SMARCA2: variants seen among roughly 807,000 people sequenced by gnomAD.
SMARCA2 encodes SWI/SNF related BAF chromatin remodeling complex subunit ATPase 2.
A neutral mutation model predicts 199.8 loss-of-function variants in SMARCA2; 61 were observed. The observed-to-expected ratio is 0.31, with a 90% CI of 0.25 to 0.38. The LOEUF is 0.38. Ranked by LOEUF, SMARCA2 falls within the 10% of genes least tolerant of loss-of-function variation. The pLI is 1.00. For synonymous variants in SMARCA2, 935 were observed against 732.0 expected, an observed-to-expected ratio of 1.28 and a Z score of -4.48; for missense variants, 1,344 against 2,012.2, an observed-to-expected ratio of 0.67 and a Z score of 6.35.
chr9:2,129,541 C>T (rs990809987), intron 27 of SMARCA2, among the ~76,000 whole-genome samples: 2 of 152,208 alleles, frequency 1.3e-5, no homozygotes, highest in African/African-American at 2.4e-5. Context: ...AGTGTGTTCA[C>T]TAACCAGGGA....
intron 25 of SMARCA2, among the ~76,000 whole-genome samples, chr9:2,118,110 A>C (rs1002044752): frequency 1.3e-5 from 2 of 152,184 alleles, no homozygotes; most frequent in Non-Finnish European, 1.5e-5. Flanking sequence ...CTCATGGTCC[A>C]GGTGATGAGA....
intron 2 of SMARCA2, among the ~76,000 whole-genome samples, chr9:2,032,367 C>G (rs1819107900): frequency 6.6e-6 from 1 of 152,198 alleles, no homozygotes; most frequent in Non-Finnish European, 1.5e-5. Context: ...TGCCTTTAAC[C>G]TTTTCCGTTC....
rs530732971 is a variant in SMARCA2 at position 2,170,284 on chromosome 9, C to T, written c.4200-135C>T. 15 of 1,042,384 alleles carry T rather than the reference C, an allele frequency of 1.4e-5. No homozygotes were observed. Among genetic ancestry groups the T allele is most frequent in the Middle Eastern group, 2.9e-4 (1 of 3,424 alleles). The allele number at this position is 1,042,384 out of a possible 1,614,324, so 64.6% of individuals were successfully genotyped here. A position where few individuals can be genotyped will look rare whatever the true frequency, so the allele number is the denominator to read the frequency against. On this transcript the variant is annotated intron_variant, in intron 28 of 33. Transcript: ENST00000349721. The surrounding 1 kb of genome is among the most constrained non-coding windows in gnomAD (Gnocchi z 4.7). ...CCGAATGAGGTTCCAAACATAACCCCGTGTAATCTTCCTAACAAGGCAGGT... is the reference window on the plus strand; with the variant it reads ...CCGAATGAGGTTCCAAACATAACCCTGTGTAATCTTCCTAACAAGGCAGGT...
At chr9:2,127,160 A>G (rs749632783) in intron 27 of SMARCA2, among the ~76,000 whole-genome samples, 11 of 150,996 alleles carry the variant, frequency 7.3e-5, no homozygotes, top group African/African-American at 1.2e-4. Flanking sequence ...TGTCCTCTTA[A>G]CATTTCTTTG....
In SMARCA2 at chr9:2,121,648, CTTA is replaced by C. The variant is rs1320069895; in HGVS notation, c.3763-2065_3763-2063del. On this transcript the variant is annotated intron_variant, in intron 26 of 33. Transcript: ENST00000349721. Reference sequence around the variant, plus strand: ...GAGTTCTCTATAAAATTAATGCAAACTTATTATTTGATTTTGTATCATAGACAC... The same window carrying C: ...GAGTTCTCTATAAAATTAATGCAAACTTATTTGATTTTGTATCATAGACAC... Among the ~76,000 whole-genome samples the C allele has an allele frequency of 6.6e-5, 10 of 152,214 alleles. No homozygotes were observed. The South Asian group carries it at 1.7e-3, about 25-fold the overall frequency.
At position 2,182,370 on chromosome 9, in the gene SMARCA2, A is replaced by C. The variant is rs540609444; in HGVS notation, c.4461+128A>C. 6.7e-6 allele frequency: 4 copies of C among 598,982 alleles called. No homozygotes were observed. The East Asian group carries it at 8.9e-5, about 13-fold the overall frequency. The allele number at this position is 598,982 out of a possible 1,614,324, so 37.1% of individuals were successfully genotyped here. On this transcript the variant is annotated intron_variant, in intron 31 of 33. Transcript: ENST00000349721. Reference sequence around the variant, plus strand: ...GCAGAAGAAAAATAACTAAAAGCCTATGTTCCTTGCTACCTGTGTAAGAAA... The same window carrying C: ...GCAGAAGAAAAATAACTAAAAGCCTCTGTTCCTTGCTACCTGTGTAAGAAA...
rs76885443 is a variant in SMARCA2 at position 2,130,480 on chromosome 9, T to A, written c.3981+6543T>A. ...TCAAAGATGTTGTCATTTTTGTCTC[T>A]GCATACCAACTTTATCCTAATTCTG... On this transcript the variant is annotated intron_variant, in intron 27 of 33. Transcript: ENST00000349721. Among the ~76,000 whole-genome samples, 537 of 152,348 alleles carry A rather than the reference T, an allele frequency of 3.5e-3. 3 individuals carry two copies. The highest frequency in any genetic ancestry group is 5.0e-3 in the Non-Finnish European group (339 of 68,024).
chr9:2,155,930 T>C (rs1469497547), intron 27 of SMARCA2, among the ~76,000 whole-genome samples: 3 of 151,898 alleles, frequency 2.0e-5, no homozygotes, highest in African/African-American at 7.3e-5. Context: ...ACGAATGAAA[T>C]ACGAAACAGA....
chr9:2,049,556 A>G (rs1820027655), intron 5 of SMARCA2, among the ~76,000 whole-genome samples: 2 of 152,196 alleles, frequency 1.3e-5, no homozygotes, highest in Non-Finnish European at 2.9e-5. Flanking sequence ...TTTTGAAACG[A>G]CTGATCTGGA....
In SMARCA2 at chr9:2,039,715, T is replaced by C; in HGVS notation, c.605T>C (p.Leu202Pro). Residue 202 changes from leucine to proline, a missense_variant, in exon 4 of 34, where the codon CTG (leucine) becomes CCG (proline). Physicochemically the swap from Leu to Pro is moderately conservative, Grantham distance 98. Around this residue, in one of 18 missense-constraint regions of SMARCA2, gnomAD observed 24 missense variants for 53.7 expected, o/e 0.45. Coordinates refer to ENST00000349721, the MANE Select transcript of SMARCA2 (RefSeq NM_003070.5). This position sits in a 1 kb window ranked among gnomAD's most constrained non-coding sequence, Gnocchi z 4.8. Reference protein sequence around the residue: ...LARGQPLPETLQLAVQGKRTL... With the variant: ...LARGQPLPETPQLAVQGKRTL... ...CGAGGCCAGCCCCTCCCCGAAACGC[T>C]GCAGCTTGCAGTCCAGGGGAAAAGG... 1 of 1,613,968 alleles carries C rather than the reference T, an allele frequency of 6.2e-7. No homozygotes were observed.
intron 21 of SMARCA2, 37 bp from the exon 22 acceptor site, chr9:2,101,533 T>A (rs778434407): frequency 1.7e-6 from 2 of 1,170,960 alleles, no homozygotes; most frequent in Non-Finnish European, 2.5e-6. Context: ...ATAATTACAT[T>A]TTTTAAAATC....
At chr9:2,072,735 A>G (rs4741642) in intron 10 of SMARCA2, among the ~76,000 whole-genome samples, 16,121 of 152,288 alleles carry the variant, frequency 0.11, 960 homozygotes, top group East Asian at 0.29. Flanking sequence ...TTGATAGGAT[A>G]CTGGGCAACT....
At chr9:2,072,270 C>T (rs12339769) in intron 10 of SMARCA2, among the ~76,000 whole-genome samples, 7,160 of 152,222 alleles carry the variant, frequency 0.047, 572 homozygotes, top group African/African-American at 0.16. Flanking sequence ...CACTCACAGA[C>T]CAAGCATTTC....
chr9:2,069,338 C>T (rs1330559717), intron 9 of SMARCA2, among the ~76,000 whole-genome samples: 14 of 151,430 alleles, frequency 9.2e-5, no homozygotes, highest in East Asian at 2.0e-4. Flanking sequence ...AGGCGGATCA[C>T]GAGGTCAGGA....
chr9:2,042,395 C>T (rs1365520648), intron 4 of SMARCA2: 1 of 152,164 alleles, frequency 6.6e-6, no homozygotes, highest in Non-Finnish European at 1.5e-5. Context: ...TTGTCACAGA[C>T]ATCACCAAGC....
chr9:2,175,325 A>T (rs1826507577), intron 29 of SMARCA2, among the ~76,000 whole-genome samples: 1 of 137,266 alleles, frequency 7.3e-6, no homozygotes, highest in Non-Finnish European at 1.6e-5. Flanking sequence ...CCAACAATAC[A>T]CACACAAAAA....
chr9:2,133,438 C>T (rs894593299), intron 27 of SMARCA2, among the ~76,000 whole-genome samples: 1 of 152,058 alleles, frequency 6.6e-6, no homozygotes, highest in African/African-American at 2.4e-5. Flanking sequence ...CGCACCGCCA[C>T]ACCCAGCTAA....
intron 5 of SMARCA2, among the ~76,000 whole-genome samples, chr9:2,049,178 T>G (rs1218930992): frequency 6.6e-6 from 1 of 152,212 alleles, no homozygotes; most frequent in Admixed American, 6.5e-5. Context: ...ATGTCTAGAC[T>G]TCTTTCCCTT....
At chr9:2,070,306 TTAGATAA>T (rs1821034010) in intron 9 of SMARCA2, 105 bp from the exon 10 acceptor site, 2 of 833,560 alleles carry the variant, frequency 2.4e-6, no homozygotes, top group African/African-American at 3.3e-5. Context: ...TTAAGCTGTG[TTAGATAA>T]TAATGGGGTA....
Sources: allele counts gnomAD v4.1 joint callset (sites outside exome capture counted in the v4.1 genomes callset), GRCh38; gene constraint gnomAD v4.1.1; regional missense constraint gnomAD v4.1.1; non-coding constraint Gnocchi (gnomAD v3.1); transcripts MANE v1.5; gene names NCBI Gene and HGNC (gene_info 2026-07-23, HGNC 2026-07-21).